Variants in FAM76B observed in about 807,000 individuals in gnomAD.
The protein encoded by FAM76B is family with sequence similarity 76 member B, also known as protein FAM76B.
Under a neutral mutation model 51.8 loss-of-function variants are expected in FAM76B, and 16 were observed. That is an observed-to-expected ratio of 0.31 (90% CI 0.21 to 0.47). FAM76B has a LOEUF of 0.47. FAM76B is among the 20% of genes least tolerant of loss of function. FAM76B has a pLI of 1.00. For synonymous variants in FAM76B, 166 were observed against 129.5 expected (o/e 1.28, Z -1.91); for missense variants, 342 against 392.6 (o/e 0.87, Z 1.09).
At chr11:95,774,858 G>C (rs1859924372) in intron 9 of FAM76B, among the ~76,000 whole-genome samples, 1 of 151,188 alleles carries the variant, frequency 6.6e-6, no homozygotes, top group Non-Finnish European at 1.5e-5. Context: ...CTTTGTAATA[G>C]TATGATAGGG....
intron 9 of FAM76B, among the ~76,000 whole-genome samples, chr11:95,771,965 A>T (rs2120173199): frequency 1.3e-5 from 2 of 151,210 alleles, no homozygotes; most frequent in South Asian, 4.2e-4. Flanking sequence ...TAATAGGGAA[A>T]AGGTGTTTGG....
intron 8 of FAM76B, 122 bp downstream of exon 8, chr11:95,778,700 C>G (rs1251182018): frequency 8.0e-7 from 1 of 1,250,744 alleles, no homozygotes; most frequent in Non-Finnish European, 1.1e-6. Context: ...TGTAATTTGT[C>G]TTATAAAAAT....
chr11:95,789,065 A>G lies in FAM76B; in HGVS notation c.87+327T>C, dbSNP rs932729845. On this transcript the variant is annotated intron_variant, in intron 1 of 9. Transcript: ENST00000358780. ...AGGACAGACCAGGCAGAAAACCGAGATGAAAACATCTCCACCCCTGGGTCT... is the reference window on the plus strand; with the variant it reads ...AGGACAGACCAGGCAGAAAACCGAGGTGAAAACATCTCCACCCCTGGGTCT... 2.3e-5 allele frequency: 32 copies of G among 1,396,090 alleles called. No homozygotes were observed. In the Admixed American group the frequency reaches 6.6e-4, roughly 29 times the overall value. 86.5% of individuals were successfully genotyped at this position (1,396,090 alleles called of 1,614,324 possible). A position where few individuals can be genotyped will look rare whatever the true frequency, so the allele number is the denominator to read the frequency against.
At chr11:95,778,718 A>G in intron 8 of FAM76B, 104 bp downstream of exon 8, 1 of 1,388,348 alleles carries the variant, frequency 7.2e-7, no homozygotes, top group Non-Finnish European at 9.5e-7. Flanking sequence ...AATCACGCAC[A>G]ACAAACATTA....
intron 5 of FAM76B, among the ~76,000 whole-genome samples, chr11:95,781,058 C>T (rs149470937): frequency 2.0e-5 from 3 of 150,538 alleles, no homozygotes; most frequent in African/African-American, 7.3e-5. Flanking sequence ...AATGGAAATC[C>T]TATTGAGGAA....
intron 8 of FAM76B, among the ~76,000 whole-genome samples, chr11:95,776,985 TCTAA>T (rs1305931031): frequency 6.6e-6 from 1 of 151,194 alleles, no homozygotes; most frequent in African/African-American, 2.4e-5. Context: ...GTTCTCTCTC[TCTAA>T]CTTTCTCTAA....
intron 9 of FAM76B, among the ~76,000 whole-genome samples, chr11:95,772,471 A>C (rs1859810640): frequency 6.6e-6 from 1 of 151,196 alleles, no homozygotes; most frequent in South Asian, 2.1e-4. Flanking sequence ...CAGTCTCTTA[A>C]ATATGAAAAC....
chr11:95,788,693 C>T (rs997236130), intron 1 of FAM76B, 130 bp from the exon 2 acceptor site: 2 of 1,216,400 alleles, frequency 1.6e-6, no homozygotes, highest in African/African-American at 3.1e-5. Flanking sequence ...ACGTAAAGAA[C>T]TGGATGCTTT....
In FAM76B at chr11:95,770,833, G is replaced by A. The variant is rs1295687976; in HGVS notation, c.*728C>T. 6.6e-6 allele frequency: 1 copy of A among 151,756 alleles called. No homozygotes were observed. The highest frequency in any genetic ancestry group is 1.9e-4 in the East Asian group (1 of 5,174). The allele number at this position is 151,756 out of a possible 1,614,324, so 9.4% of individuals were successfully genotyped here. ...AACATGATTTTAAAACAAAATGTAT[G>A]TACAAAAGATCAGCATTCCTATAAA... On this transcript the variant is annotated 3_prime_UTR_variant, in exon 10 of 10. Coordinates refer to ENST00000358780, the MANE Select transcript of FAM76B (RefSeq NM_144664.5).
chr11:95,789,615 C>T lies in FAM76B; in HGVS notation c.-137G>A. On this transcript the variant is annotated 5_prime_UTR_variant, in exon 1 of 10. Transcript: ENST00000358780. ...TGCCTCGCGCCCACCAGGGCCTCGC[C>T]GCGAGAGCCCAGGGCCCCGCGGACG... 1 of 667,978 alleles carries T rather than the reference C, an allele frequency of 1.5e-6. No individual in the cohort carries two copies. The highest frequency in any genetic ancestry group is 2.4e-6 in the Non-Finnish European group (1 of 419,016). The allele number at this position is 667,978 out of a possible 1,614,324, so 41.4% of individuals were successfully genotyped here.
rs1859710777 is a variant in FAM76B, at chr11:95,770,292, A to G, written c.*1269T>C. ...TTTTATAGACAATTTTAAAGACTTT[A>G]GGACAATTTACTTATAATGCCTGAA... On this transcript the variant is annotated 3_prime_UTR_variant, in exon 10 of 10. Coordinates refer to ENST00000358780, the MANE Select transcript of FAM76B (RefSeq NM_144664.5). The G allele has an allele frequency of 6.6e-6, 1 of 151,876 alleles. No individual in the cohort carries two copies. Among genetic ancestry groups the G allele is most frequent in the African/African-American group, 2.4e-5 (1 of 41,358 alleles). 9.4% of individuals were successfully genotyped at this position (151,876 alleles called of 1,614,324 possible). A position where few individuals can be genotyped will look rare whatever the true frequency, so the allele number is the denominator to read the frequency against.
intron 2 of FAM76B, 148 bp from the exon 3 acceptor site, chr11:95,787,826 G>T: frequency 4.6e-6 from 3 of 651,994 alleles, no homozygotes; most frequent in South Asian, 2.0e-5. Context: ...GATATTTTCA[G>T]AGTTGTTTTA....
intron 8 of FAM76B, among the ~76,000 whole-genome samples, chr11:95,776,899 T>C (rs1458165083): frequency 6.6e-6 from 1 of 150,834 alleles, no homozygotes; most frequent in African/African-American, 2.4e-5. Context: ...ACAGCAAAAA[T>C]AGAGAAAATC....
intron 9 of FAM76B, among the ~76,000 whole-genome samples, chr11:95,773,983 G>A (rs901144042): frequency 1.3e-5 from 2 of 151,074 alleles, no homozygotes; most frequent in Admixed American, 6.6e-5. Flanking sequence ...AAAAATTACC[G>A]GTTTCCTCAC....
chr11:95,781,404 A>G (rs976130532), intron 5 of FAM76B, among the ~76,000 whole-genome samples: 1 of 152,156 alleles, frequency 6.6e-6, no homozygotes, highest in African/African-American at 2.4e-5. Context: ...CAAATAGAAA[A>G]TAGTGTTTGT....
intron 4 of FAM76B, among the ~76,000 whole-genome samples, chr11:95,785,486 T>C (rs1860518903): frequency 6.6e-6 from 1 of 152,234 alleles, no homozygotes; most frequent in Non-Finnish European, 1.5e-5. Flanking sequence ...CCATCCATAG[T>C]ATTCCATGAT....
chr11:95,785,643 G>A (rs1374673576), intron 4 of FAM76B, among the ~76,000 whole-genome samples: 1 of 152,178 alleles, frequency 6.6e-6, no homozygotes, highest in East Asian at 1.9e-4. Flanking sequence ...TGTGAATGCT[G>A]ATCGGCAAAG....
Position 95,783,082 on chromosome 11 carries a change from G to A in FAM76B, c.546C>T (p.His182=). Reference sequence around the variant, plus strand: ...GTACTTACTTGTGATGGCTACTGCTGTGACGATGGTGATGGTGATGATGGT... The same window carrying A: ...GTACTTACTTGTGATGGCTACTGCTATGACGATGGTGATGGTGATGATGGT... The part of the protein sequence containing the change: ...HHHHHHHHHR[H]SSSHHKISNL... The change falls in exon 5 of 10, where the codon CAC becomes CAT. Residue 182 remains histidine (H), a synonymous_variant. Coordinates refer to ENST00000358780, the MANE Select transcript of FAM76B (RefSeq NM_144664.5). 1 of 1,613,862 alleles carries A rather than the reference G, an allele frequency of 6.2e-7. No homozygotes were observed. The highest frequency in any genetic ancestry group is 8.5e-7 in the Non-Finnish European group (1 of 1,179,850).
intron 4 of FAM76B, among the ~76,000 whole-genome samples, chr11:95,785,257 C>T (rs755269420): frequency 3.3e-5 from 5 of 152,142 alleles, no homozygotes; most frequent in East Asian, 1.9e-4. Flanking sequence ...CAGTAAGGTT[C>T]GTTACTATCC....
Sources: allele counts gnomAD v4.1 joint callset (sites outside exome capture counted in the v4.1 genomes callset), GRCh38; gene constraint gnomAD v4.1.1; transcripts MANE v1.5; gene names NCBI Gene and HGNC (gene_info 2026-07-23, HGNC 2026-07-21).